The following ADCY2 variants were observed in gnomAD, a reference collection of about 807,000 sequenced individuals.
The protein encoded by ADCY2 is adenylate cyclase 2, also known as adenylate cyclase type 2.
ADCY2 carries 31 observed loss-of-function variants against 125.2 expected under a neutral mutation model. The observed-to-expected ratio is 0.25, with a 90% CI of 0.19 to 0.33. ADCY2 has a LOEUF of 0.33. Ranked by LOEUF, ADCY2 falls within the 10% of genes least tolerant of loss-of-function variation. The pLI, the probability that ADCY2 is intolerant of heterozygous loss-of-function variation, is 1.00. For synonymous variants in ADCY2, 512 were observed against 548.4 expected (o/e 0.93, Z 0.93); for missense variants, 904 against 1,418.2 (o/e 0.64, Z 5.82).
At chr5:7,783,745 T>C (rs13165346) in intron 18 of ADCY2, among the ~76,000 whole-genome samples, 47,335 of 152,092 alleles carry the variant, frequency 0.31, 8,439 homozygotes, top group Non-Finnish European at 0.4. Flanking sequence ...ATAGTGAGGA[T>C]TGGGGGAGCC....
At chr5:7,739,386 A>T (rs569158316) in intron 14 of ADCY2, among the ~76,000 whole-genome samples, 100 of 152,062 alleles carry the variant, frequency 6.6e-4, no homozygotes, top group African/African-American at 2.3e-3. Flanking sequence ...AACGTAATGT[A>T]TCAAAATGTG....
intron 3 of ADCY2, among the ~76,000 whole-genome samples, chr5:7,556,202 A>G (rs1409403079): frequency 6.6e-6 from 1 of 152,154 alleles, no homozygotes; most frequent in African/African-American, 2.4e-5. Flanking sequence ...CCTTATATAT[A>G]AATTTTTACA....
At chr5:7,418,656 T>TTTG in intron 2 of ADCY2, among the ~76,000 whole-genome samples, 1 of 132,788 alleles carries the variant, frequency 7.5e-6, no homozygotes, top group Non-Finnish European at 1.6e-5. Context: ...TGTTTTTTTT[T>TTTG]TTTTTTTTTT....
At chr5:7,614,559 G>T (rs914195485) in intron 3 of ADCY2, among the ~76,000 whole-genome samples, 2 of 152,200 alleles carry the variant, frequency 1.3e-5, no homozygotes, top group Non-Finnish European at 2.9e-5. Flanking sequence ...GCACAAGGTT[G>T]AGGTATTGAA....
intron 3 of ADCY2, among the ~76,000 whole-genome samples, chr5:7,621,104 C>T (rs1737940230): frequency 6.6e-6 from 1 of 152,178 alleles, no homozygotes; most frequent in Non-Finnish European, 1.5e-5. Flanking sequence ...TCACCTAACT[C>T]GTGATAATTT....
At chr5:7,653,514 A>G (rs1579280609) in intron 4 of ADCY2, among the ~76,000 whole-genome samples, 1 of 151,956 alleles carries the variant, frequency 6.6e-6, no homozygotes, top group African/African-American at 2.4e-5. Context: ...AGGCTGGGGG[A>G]GGAGAATGGC....
chr5:7,466,529 C>T (rs1444997003), intron 2 of ADCY2, among the ~76,000 whole-genome samples: 1 of 152,196 alleles, frequency 6.6e-6, no homozygotes, highest in Admixed American at 6.5e-5. Flanking sequence ...TGCTTTTAAG[C>T]CCTGCCAGGC....
At chr5:7,648,762 A>G (rs1738983546) in intron 4 of ADCY2, among the ~76,000 whole-genome samples, 2 of 152,244 alleles carry the variant, frequency 1.3e-5, no homozygotes, top group Admixed American at 1.3e-4. Flanking sequence ...TAAGCAAAAA[A>G]GGCATTATTT....
intron 2 of ADCY2, among the ~76,000 whole-genome samples, chr5:7,474,411 G>A (rs115887787): frequency 0.013 from 1,913 of 152,316 alleles, 31 homozygotes; most frequent in African/African-American, 0.044. Context: ...ACAAGATGCT[G>A]TAATAGGGAG....
At chr5:7,777,855 GA>G (rs926544005) in intron 18 of ADCY2, among the ~76,000 whole-genome samples, 3 of 152,248 alleles carry the variant, frequency 2.0e-5, no homozygotes, top group African/African-American at 7.2e-5. Context: ...TTTTCAGGAG[GA>G]AAAAAAGACC....
intron 10 of ADCY2, among the ~76,000 whole-genome samples, chr5:7,711,208 G>A (rs1415173766): frequency 6.6e-6 from 1 of 152,158 alleles, no homozygotes; most frequent in Non-Finnish European, 1.5e-5. Context: ...ATCAAGAAGA[G>A]AACAATCCAA....
chr5:7,662,806 G>GAAGGCAACAA (rs1167604582), intron 4 of ADCY2, among the ~76,000 whole-genome samples: 1 of 152,196 alleles, frequency 6.6e-6, no homozygotes, highest in Non-Finnish European at 1.5e-5. Context: ...GGGCTTTACA[G>GAAGGCAACAA]AAGGCAACAA....
chr5:7,588,362 A>G (rs1736700953), intron 3 of ADCY2, among the ~76,000 whole-genome samples: 1 of 152,212 alleles, frequency 6.6e-6, no homozygotes, highest in Non-Finnish European at 1.5e-5. Flanking sequence ...AATCTTTGCT[A>G]GATTTATTTA....
At chr5:7,669,653 G>A (rs1739867866) in intron 4 of ADCY2, among the ~76,000 whole-genome samples, 1 of 152,120 alleles carries the variant, frequency 6.6e-6, no homozygotes, top group South Asian at 2.1e-4. Context: ...GTTTTTGTGG[G>A]GGGAACCAGT....
At chr5:7,619,330 G>A (rs543029794) in intron 3 of ADCY2, among the ~76,000 whole-genome samples, 15 of 152,184 alleles carry the variant, frequency 9.9e-5, no homozygotes, top group Non-Finnish European at 1.6e-4. Context: ...GAGACAGAAG[G>A]TAGTAGGGAG....
intron 4 of ADCY2, among the ~76,000 whole-genome samples, chr5:7,627,092 C>T (rs530911652): frequency 2.2e-4 from 34 of 152,212 alleles, no homozygotes; most frequent in African/African-American, 7.5e-4. Flanking sequence ...TCCCCCTCAT[C>T]GCCCCCTCAC....
At chr5:7,751,581 AT>A (rs989234081) in intron 15 of ADCY2, among the ~76,000 whole-genome samples, 15 of 152,164 alleles carry the variant, frequency 9.9e-5, no homozygotes, top group African/African-American at 3.4e-4. Context: ...AGGTAATGTG[AT>A]TTCAAACCCA....
At chr5:7,600,177 TGATAGA>T (rs1303630219) in intron 3 of ADCY2, among the ~76,000 whole-genome samples, 1 of 152,084 alleles carries the variant, frequency 6.6e-6, no homozygotes, top group African/African-American at 2.4e-5. Flanking sequence ...TCAAGAAACT[TGATAGA>T]GATAAAGAGG....
chr5:7,803,224 G>A (rs192966274), intron 21 of ADCY2, among the ~76,000 whole-genome samples: 15 of 152,312 alleles, frequency 9.8e-5, no homozygotes, highest in Non-Finnish European at 1.9e-4. Context: ...GCGGCTGGGG[G>A]TCTCAGCTGC....
Sources: allele counts gnomAD v4.1 joint callset (sites outside exome capture counted in the v4.1 genomes callset), GRCh38; gene constraint gnomAD v4.1.1; transcripts MANE v1.5; gene names NCBI Gene and HGNC (gene_info 2026-07-23, HGNC 2026-07-21).